The following BACC1 variants were observed in gnomAD, a reference collection of about 807,000 sequenced individuals.
BACC1 encodes the protein BPTF-associated chromatin complex component 1.
chr17:7,015,271 A>G, the BACC1 span: 1 of 1,412,844 alleles, frequency 7.1e-7, no homozygotes, highest in Non-Finnish European at 9.2e-7. Context: ...TGCGTGGCAC[A>G]GCACAGAGTC....
At chr17:7,015,223 C>G in the BACC1 span, 32 of 1,490,374 alleles carry the variant, frequency 2.1e-5, no homozygotes, top group African/African-American at 4.1e-4. Flanking sequence ...CAGACACGGA[C>G]CCTCTCTAGC....
At chr17:7,016,256 CT>C in the BACC1 span, 1 of 553,142 alleles carries the variant, frequency 1.8e-6, no homozygotes, top group Non-Finnish European at 3.2e-6. Flanking sequence ...CCTGATGTCT[CT>C]CCCAGAAGAG....
At chr17:7,015,604 G>A in the BACC1 span, 1 of 1,370,166 alleles carries the variant, frequency 7.3e-7, no homozygotes, top group South Asian at 1.5e-5. Flanking sequence ...GGTTCCCGCA[G>A]GGCCTCAAGA....
At chr17:7,015,720 G>A in the BACC1 span, 2 of 1,531,292 alleles carry the variant, frequency 1.3e-6, no homozygotes, top group South Asian at 2.3e-5. Flanking sequence ...GCCTGTGGGC[G>A]GGCTCCACAC....
the BACC1 span, chr17:7,017,425 C>A: frequency 9.1e-7 from 1 of 1,095,120 alleles, no homozygotes; most frequent in South Asian, 1.3e-5. Flanking sequence ...CTGGGGCTGC[C>A]ACCTCGCTAT....
At chr17:7,017,415 C>T in the BACC1 span, 1 of 1,208,934 alleles carries the variant, frequency 8.3e-7, no homozygotes, top group Non-Finnish European at 1.2e-6. Context: ...TGAAAGGCTG[C>T]TGGGGCTGCC....
At chr17:7,016,241 C>T in the BACC1 span, 3 of 542,342 alleles carry the variant, frequency 5.5e-6, no homozygotes, top group Non-Finnish European at 9.7e-6. Context: ...AATCACCAAG[C>T]TCTACCTGAT....
chr17:7,016,891 G>C, the BACC1 span: 1 of 1,605,828 alleles, frequency 6.2e-7, no homozygotes, highest in Non-Finnish European at 8.5e-7. Flanking sequence ...CTAGAACCTA[G>C]CTTATGCCCC....
At chr17:7,017,167 ACGTAGCAG>A in the BACC1 span, 1 of 1,579,252 alleles carries the variant, frequency 6.3e-7, no homozygotes, top group African/African-American at 1.4e-5. Flanking sequence ...TTGGATCAGT[ACGTAGCAG>A]GGTGTTTCAG....
chr17:7,015,535 G>A, the BACC1 span: 2,598 of 1,413,532 alleles, frequency 1.8e-3, 40 homozygotes, highest in African/African-American at 0.033. Flanking sequence ...TAACGTTGAT[G>A]GTGGAAAGGG....
chr17:7,015,638 G>A, the BACC1 span: 1 of 1,318,316 alleles, frequency 7.6e-7, no homozygotes, highest in South Asian at 1.5e-5. Flanking sequence ...CCTTACGGAG[G>A]ACCTCTTTAT....
chr17:7,016,351 C>G, the BACC1 span: 3 of 808,746 alleles, frequency 3.7e-6, no homozygotes, highest in Admixed American at 2.4e-5. Context: ...TGTAAAACTT[C>G]GAGAAAGTGA....
At chr17:7,016,899 C>T in the BACC1 span, 2 of 1,609,958 alleles carry the variant, frequency 1.2e-6, no homozygotes, top group South Asian at 1.1e-5. Context: ...TAGCTTATGC[C>T]CCCTTCCCAG....
chr17:7,017,314 C>T, the BACC1 span: 1 of 1,612,122 alleles, frequency 6.2e-7, no homozygotes. Context: ...CCTCTCCTCT[C>T]CTGCTGAGCC....
At chr17:7,015,974 T>C in the BACC1 span, 1 of 952,658 alleles carries the variant, frequency 1.0e-6, no homozygotes. Flanking sequence ...GCTCAGCTGC[T>C]TCCCTACTTT....
At chr17:7,015,926 C>A in the BACC1 span, 115 of 1,495,746 alleles carry the variant, frequency 7.7e-5, no homozygotes, top group Non-Finnish European at 1.0e-4. Context: ...CTTCTTCCTC[C>A]TTACCCAAGG....
the BACC1 span, chr17:7,014,835 T>A: frequency 6.5e-7 from 1 of 1,527,968 alleles, no homozygotes; most frequent in African/African-American, 1.4e-5. This position sits in a 1 kb window ranked among gnomAD's most constrained non-coding sequence, Gnocchi z 4.5. Flanking sequence ...CGGCGGCGTC[T>A]CCGTGAGGAG....
the BACC1 span, chr17:7,015,754 C>G: frequency 3.1e-6 from 5 of 1,608,160 alleles, no homozygotes; most frequent in Middle Eastern, 3.3e-4. Flanking sequence ...TTTGCTATCC[C>G]CCCTCTCCCC....
chr17:7,016,428 C>A, the BACC1 span: 1 of 1,547,430 alleles, frequency 6.5e-7, no homozygotes. Flanking sequence ...ACCCCTTCCC[C>A]TCCCGTCCCC....
Sources: gnomAD v4.1 joint callset for allele counts on GRCh38, gnomAD v4.1.1 for gene constraint, Gnocchi (gnomAD v3.1) non-coding constraint, MANE v1.5 for transcripts, NCBI Gene and HGNC (gene_info 2026-07-23, HGNC 2026-07-21) for gene names.